Variants in ZNF480 observed in about 807,000 individuals in gnomAD.
The protein encoded by ZNF480 is zinc finger protein 480.
A neutral mutation model predicts 14.4 loss-of-function variants in ZNF480; 15 were observed. The observed-to-expected ratio is 1.04, with a 90% CI of 0.70 to 1.60. The LOEUF (loss-of-function observed/expected upper bound fraction) is 1.60. Among genes scored for constraint, ZNF480 ranks in the 40% most tolerant of loss-of-function variants. The pLI is 0.00. For synonymous variants in ZNF480, 218 were observed against 215.5 expected (o/e 1.01, Z -0.10); for missense variants, 593 against 629.7 (o/e 0.94, Z 0.62).
At chr19:52,316,194 CTCTTTCTTTCTT>C (rs56388324) in intron 4 of ZNF480, among the ~76,000 whole-genome samples, 1 of 142,694 alleles carries the variant, frequency 7.0e-6, no homozygotes, top group African/African-American at 2.6e-5. Flanking sequence ...CTCTCTCTTT[CTCTTTCTTTCTT>C]TCTTTCTTTC....
intron 2 of ZNF480, among the ~76,000 whole-genome samples, chr19:52,305,864 G>T (rs980830685): frequency 2.0e-5 from 3 of 152,186 alleles, no homozygotes; most frequent in African/African-American, 7.2e-5. Context: ...ATCAAACTTA[G>T]AGTGACACTG....
chr19:52,315,024 G>A (rs1019104432), intron 3 of ZNF480, among the ~76,000 whole-genome samples: 10 of 152,070 alleles, frequency 6.6e-5, no homozygotes, highest in Non-Finnish European at 1.3e-4. Context: ...TGGAGGGCAC[G>A]TGATCTTGGC....
At chr19:52,312,730 A>C (rs1415268812) in intron 2 of ZNF480, among the ~76,000 whole-genome samples, 2 of 151,960 alleles carry the variant, frequency 1.3e-5, no homozygotes, top group Non-Finnish European at 2.9e-5. Flanking sequence ...TTGTTATAGG[A>C]GTTAGTACAT....
chr19:52,302,654 C>T (rs1982751476), intron 2 of ZNF480, among the ~76,000 whole-genome samples: 1 of 152,178 alleles, frequency 6.6e-6, no homozygotes, highest in Admixed American at 6.5e-5. Context: ...GCACATAAGC[C>T]AGTTTACCAA....
chr19:52,303,256 T>C (rs540808348), intron 2 of ZNF480, among the ~76,000 whole-genome samples: 2 of 152,334 alleles, frequency 1.3e-5, no homozygotes, highest in African/African-American at 4.8e-5. Context: ...TCAGCACTTT[T>C]AATTGGTTTA....
At chr19:52,307,559 T>G (rs1021775590) in intron 2 of ZNF480, 3 of 152,164 alleles carry the variant, frequency 2.0e-5, no homozygotes, top group Admixed American at 1.3e-4. Flanking sequence ...AGGAATTAAA[T>G]ACACAGACAC....
chr19:52,299,776 A>T (rs115772452), intron 1 of ZNF480, among the ~76,000 whole-genome samples: 2 of 152,004 alleles, frequency 1.3e-5, no homozygotes, highest in African/African-American at 2.4e-5. Context: ...TCACTGCAAC[A>T]TCCATCTCCC....
At chr19:52,297,457 G>C (rs1295120308) in intron 1 of ZNF480, among the ~76,000 whole-genome samples, 1 of 151,750 alleles carries the variant, frequency 6.6e-6, no homozygotes, top group Non-Finnish European at 1.5e-5. Context: ...ACCTCCTGTC[G>C]CGGAGTTTTC....
intron 2 of ZNF480, chr19:52,301,601 T>C (rs1217019155): frequency 1.3e-5 from 2 of 152,186 alleles, no homozygotes; most frequent in Non-Finnish European, 2.9e-5. Flanking sequence ...TTTCAGTCTG[T>C]GTTAGTTTGG....
rs796690367 is a variant in ZNF480 at position 52,316,013 on chromosome 19, T to TTTTTG, written c.328+63_328+67dup. 18 of 1,496,176 alleles carry TTTTTG rather than the reference T, an allele frequency of 1.2e-5. No individual in the cohort carries two copies. The Admixed American group carries it at 2.0e-4, about 17-fold the overall frequency. The allele number at this position is 1,496,176 out of a possible 1,614,324, so 92.7% of individuals were successfully genotyped here. On this transcript the variant is annotated intron_variant, in intron 4 of 4. Coordinates refer to ENST00000595962, the MANE Select transcript of ZNF480 (RefSeq NM_144684.4). ...AAGCCATGCTGTTGTTTGGGCTTTT[T>TTTTTG]TTTTGTTTTGTTTTGTCTAGTTTTG...
chr19:52,300,762 T>G, intron 2 of ZNF480: 1 of 505,514 alleles, frequency 2.0e-6, no homozygotes, highest in Non-Finnish European at 3.5e-6. Flanking sequence ...TTGACCCACA[T>G]ATTTATTGAC....
chr19:52,320,769 C>G (rs1048432791), intron 4 of ZNF480, among the ~76,000 whole-genome samples: 1 of 152,042 alleles, frequency 6.6e-6, no homozygotes, highest in African/African-American at 2.4e-5. Flanking sequence ...CCAGCCTGGG[C>G]AACAAGAGCA....
chr19:52,321,068 C>A (rs1600222152), intron 4 of ZNF480, among the ~76,000 whole-genome samples: 1 of 147,366 alleles, frequency 6.8e-6, no homozygotes, highest in South Asian at 2.2e-4. Flanking sequence ...AGCCATATTT[C>A]TCTTTCCTTT....
chr19:52,304,191 G>T (rs780555667), intron 2 of ZNF480, among the ~76,000 whole-genome samples: 1 of 152,266 alleles, frequency 6.6e-6, no homozygotes, highest in East Asian at 1.9e-4. Flanking sequence ...GTTGTTTACC[G>T]CAGGAATTAT....
In ZNF480 at chr19:52,323,772, C is replaced by T. The variant is rs1983960681; in HGVS notation, c.*914C>T. On this transcript the variant is annotated 3_prime_UTR_variant, in exon 5 of 5. Coordinates refer to ENST00000595962, the MANE Select transcript of ZNF480 (RefSeq NM_144684.4). Reference sequence around the variant, plus strand: ...TTCAACATCCCTTCATTTTAAAAACCCTCAACAAATTACACATTGAGGGAA... The same window carrying T: ...TTCAACATCCCTTCATTTTAAAAACTCTCAACAAATTACACATTGAGGGAA... 6.6e-6 allele frequency: 1 copy of T among 152,002 alleles called. No homozygotes were observed. The highest frequency in any genetic ancestry group is 2.1e-4 in the South Asian group (1 of 4,822). The allele number at this position is 152,002 out of a possible 1,614,324, so 9.4% of individuals were successfully genotyped here.
At chr19:52,299,098 C>T (rs535580727) in intron 1 of ZNF480, among the ~76,000 whole-genome samples, 1 of 152,350 alleles carries the variant, frequency 6.6e-6, no homozygotes, top group Non-Finnish European at 1.5e-5. Flanking sequence ...TTAGCTTCCA[C>T]TCACATTCCC....
In ZNF480 at chr19:52,324,276, A is replaced by C. The variant is rs978007638; in HGVS notation, c.*1418A>C. 1 of 152,184 alleles carries C rather than the reference A, an allele frequency of 6.6e-6. No individual in the cohort carries two copies. The highest frequency in any genetic ancestry group is 1.5e-5 in the Non-Finnish European group (1 of 68,018). The allele number at this position is 152,184 out of a possible 1,614,324, so 9.4% of individuals were successfully genotyped here. A position where few individuals can be genotyped will look rare whatever the true frequency, so the allele number is the denominator to read the frequency against. ...ATTTCTACAATGAGAATTACAAAGC[A>C]GTGCACAAAGAAATCAGAAACAATA... On this transcript the variant is annotated 3_prime_UTR_variant, in exon 5 of 5. Coordinates refer to ENST00000595962, the MANE Select transcript of ZNF480 (RefSeq NM_144684.4).
chr19:52,299,404 G>C (rs138298997), intron 1 of ZNF480, among the ~76,000 whole-genome samples: 1 of 152,330 alleles, frequency 6.6e-6, no homozygotes, highest in East Asian at 1.9e-4. Flanking sequence ...AGATCCCACA[G>C]GTTGGGGGCT....
Position 52,316,091 on chromosome 19 carries a change from G to T in ZNF480, c.328+129G>T, listed in dbSNP as rs193142702. ...TTTGTTTTTGAGATGGAGTTTCACT[G>T]TCATGAAACAGAGCCTGAGAGACAG... On this transcript the variant is annotated intron_variant, in intron 4 of 4. Transcript: ENST00000595962. 4,146 of 949,752 alleles carry T rather than the reference G, an allele frequency of 4.4e-3. 8 individuals carry two copies. The highest frequency in any genetic ancestry group is 5.6e-3 in the Non-Finnish European group (3,792 of 679,604). The allele number at this position is 949,752 out of a possible 1,614,324, so 58.8% of individuals were successfully genotyped here. A position where few individuals can be genotyped will look rare whatever the true frequency, so the allele number is the denominator to read the frequency against.
Sources: gnomAD v4.1 joint callset for allele counts (sites outside exome capture counted in the v4.1 genomes callset) on GRCh38, gnomAD v4.1.1 for gene constraint, MANE v1.5 for transcripts, NCBI Gene and HGNC (gene_info 2026-07-23, HGNC 2026-07-21) for gene names.